Variants in SYNE2 observed in about 807,000 individuals in gnomAD.
SYNE2 encodes nesprin-2.
In SYNE2, 431 loss-of-function variants were observed where a neutral mutation model predicts 856.3. The observed-to-expected ratio is 0.50, with a 90% CI of 0.47 to 0.55. The LOEUF (loss-of-function observed/expected upper bound fraction) is 0.55, where lower values mean the gene tolerates loss of function less well. Ranked by LOEUF, SYNE2 falls within the 20% of genes least tolerant of loss-of-function variation. The pLI is 0.00. For missense variants in SYNE2, 8,129 were observed against 8,023.2 expected (o/e 1.01, Z -0.50); for synonymous variants, 2,923 against 2,872.3 (o/e 1.02, Z -0.56).
chr14:63,956,278 A>G (rs1330845134), intron 8 of SYNE2, among the ~76,000 whole-genome samples: 1 of 152,130 alleles, frequency 6.6e-6, no homozygotes, highest in Non-Finnish European at 1.5e-5. Context: ...TACAGATACA[A>G]TAGACAGATA....
chr14:64,176,588 G>A lies in SYNE2; in HGVS notation c.17431-770G>A, dbSNP rs774935214. On this transcript the variant is annotated intron_variant, in intron 95 of 115. Coordinates refer to ENST00000555002, the MANE Select transcript of SYNE2 (RefSeq NM_182914.3). ...ACAGCCAGCAGAGGAGAGGGGTGAC[G>A]GTGGAAAAGAAGACAAGGAAGGTGG... Among the ~76,000 whole-genome samples the A allele has an allele frequency of 6.6e-5, 10 of 152,042 alleles. No homozygotes were observed. The East Asian group carries it at 1.4e-3, about 21-fold the overall frequency.
At chr14:64,023,992 A>T in intron 38 of SYNE2, 1 of 421,160 alleles carries the variant, frequency 2.4e-6, no homozygotes, top group East Asian at 5.1e-5. Flanking sequence ...CGTAGCCAGG[A>T]TAGGAAAATG....
intron 45 of SYNE2, among the ~76,000 whole-genome samples, chr14:64,037,670 GCCGGGCAGAGGGGCCC>G: frequency 6.1e-5 from 1 of 16,294 alleles, no homozygotes; most frequent in Non-Finnish European, 3.2e-4. Flanking sequence ...CAGGGTGGTG[GCCGGGCAGAGGGGCCC>G]CTCACTTCCC....
chr14:63,894,895 G>C (rs1225383085), intron 1 of SYNE2, among the ~76,000 whole-genome samples: 2 of 152,106 alleles, frequency 1.3e-5, no homozygotes, highest in Non-Finnish European at 2.9e-5. Context: ...TACACGTTTA[G>C]TTCAAGAGTG....
intron 1 of SYNE2, among the ~76,000 whole-genome samples, chr14:63,807,179 A>G (rs140588254): frequency 1.5e-3 from 227 of 152,242 alleles, no homozygotes; most frequent in Non-Finnish European, 3.0e-3. Flanking sequence ...AAAAAATAAA[A>G]AAGTAAAGAT....
chr14:63,818,327 C>A, intron 1 of SYNE2, among the ~76,000 whole-genome samples: 1 of 128,744 alleles, frequency 7.8e-6, no homozygotes, highest in African/African-American at 3.0e-5. Context: ...GAGTGAGACT[C>A]TGTCAAGACT....
intron 56 of SYNE2, 140 bp downstream of exon 56, chr14:64,080,778 G>A (rs2097515212): frequency 9.5e-7 from 1 of 1,048,448 alleles, no homozygotes; most frequent in African/African-American, 1.6e-5. Flanking sequence ...GTAGGCTTGT[G>A]TGGGTGCTGA....
intron 45 of SYNE2, among the ~76,000 whole-genome samples, chr14:64,035,809 C>T (rs374050914): frequency 1.3e-5 from 2 of 151,804 alleles, no homozygotes; most frequent in Non-Finnish European, 2.9e-5. Context: ...ATCCTCCTGC[C>T]TTAGCCTCCT....
At chr14:64,183,900 A>T (rs1271028) in intron 96 of SYNE2, among the ~76,000 whole-genome samples, 2 of 142,220 alleles carry the variant, frequency 1.4e-5, no homozygotes. Context: ...TCAGAGGGAG[A>T]CCGTGGAAAG....
chr14:63,877,044 A>G (rs1378859919), intron 1 of SYNE2, among the ~76,000 whole-genome samples: 2 of 152,250 alleles, frequency 1.3e-5, no homozygotes, highest in Non-Finnish European at 2.9e-5. Flanking sequence ...TGAGGGATAC[A>G]TTAATTTGCT....
intron 73 of SYNE2, 47 bp from the exon 74 acceptor site, chr14:64,128,405 A>G: frequency 1.0e-6 from 1 of 991,964 alleles, no homozygotes; most frequent in Non-Finnish European, 1.6e-6. Context: ...AAAAAAGATA[A>G]TGAAGGCCTA....
chr14:63,977,282 G>C (rs1013877243), intron 12 of SYNE2, among the ~76,000 whole-genome samples: 1 of 151,912 alleles, frequency 6.6e-6, no homozygotes, highest in African/African-American at 2.4e-5. Flanking sequence ...GCGCGATCTT[G>C]GCTCACTGCA....
intron 67 of SYNE2, 92 bp from the exon 68 acceptor site, chr14:64,120,835 A>G (rs2097892867): frequency 7.5e-7 from 1 of 1,333,642 alleles, no homozygotes; most frequent in African/African-American, 1.5e-5. Flanking sequence ...ATTTCATGTA[A>G]AATTTTTCTA....
chr14:64,167,264 C>G lies in SYNE2; in HGVS notation c.16637C>G (p.Pro5546Arg). 1 of 1,614,190 alleles carries G rather than the reference C, an allele frequency of 6.2e-7. No homozygotes were observed. Among genetic ancestry groups the G allele is most frequent in the Non-Finnish European group, 8.5e-7 (1 of 1,180,046 alleles). Reference sequence around the variant, plus strand: ...GTGCTGGCACTGACAGCCCAATCACCTGATATTGAACATTTGAATGAAGTG... The same window carrying G: ...GTGCTGGCACTGACAGCCCAATCACGTGATATTGAACATTTGAATGAAGTG... ...NHVLALTAQS[P>R]DIEHLNEVSL... The change falls in exon 91 of 116, where the codon CCT becomes CGT. Residue 5546 changes from proline (P) to arginine (R), a missense_variant. By Grantham distance (103) the Pro-to-Arg change is moderately radical. This residue lies in a region of SYNE2 where 5,410 missense variants were observed against 5,284.8 expected (regional missense o/e 1.02). Coordinates refer to ENST00000555002, the MANE Select transcript of SYNE2 (RefSeq NM_182914.3).
chr14:63,809,051 G>A (rs1348234379), intron 1 of SYNE2, among the ~76,000 whole-genome samples: 9 of 152,002 alleles, frequency 5.9e-5, no homozygotes, highest in Non-Finnish European at 1.2e-4. Flanking sequence ...CGAGAAAGTG[G>A]AGAGGCCCGG....
At chr14:63,848,548 A>G (rs376213719), upstream of SYNE2, among the ~76,000 whole-genome samples, 1 of 152,226 alleles carries the variant, frequency 6.6e-6, no homozygotes, top group African/African-American at 2.4e-5. Flanking sequence ...CAAACAAGAC[A>G]TACAACAGGA....
chr14:64,066,350 A>T (rs1262700446), intron 51 of SYNE2, among the ~76,000 whole-genome samples: 1 of 152,022 alleles, frequency 6.6e-6, no homozygotes, highest in Admixed American at 6.6e-5. Flanking sequence ...AATAAAAAAA[A>T]ATCTGGGCAT....
At chr14:63,867,699 A>AAAAAAGAAT (rs1192575225) in intron 1 of SYNE2, among the ~76,000 whole-genome samples, 1 of 151,158 alleles carries the variant, frequency 6.6e-6, no homozygotes, top group African/African-American at 2.4e-5. Flanking sequence ...CTCTGTCTCA[A>AAAAAAGAAT]AAAAAGAATA....
chr14:64,122,080 G>T lies in SYNE2; in HGVS notation c.13227G>T (p.Met4409Ile). The T allele has an allele frequency of 6.2e-7, 1 of 1,614,036 alleles. No homozygotes were observed. Among genetic ancestry groups the T allele is most frequent in the Non-Finnish European group, 8.5e-7 (1 of 1,180,008 alleles). Reference protein sequence around the residue: ...IKFIEFNAKKMWPQYCQHDND... With the variant: ...IKFIEFNAKKIWPQYCQHDND... ...TCATAGAATTTAATGCTAAGAAAAT[G>T]TGGCCCCAGTATTGCCAACATGATA... Residue 4409 changes from methionine (M) to isoleucine (I), a missense_variant, in exon 69 of 116, where the codon ATG becomes ATT. Coordinates refer to ENST00000555002, the MANE Select transcript of SYNE2 (RefSeq NM_182914.3).
Sources: allele counts gnomAD v4.1 joint callset (sites outside exome capture counted in the v4.1 genomes callset), GRCh38; gene constraint gnomAD v4.1.1; regional missense constraint gnomAD v4.1.1; transcripts MANE v1.5; gene names NCBI Gene and HGNC (gene_info 2026-07-23, HGNC 2026-07-21).